The following CLMN variants were observed in gnomAD, a reference collection of about 807,000 sequenced individuals.
CLMN encodes calmin (calponin-like, transmembrane).
In CLMN, 57 loss-of-function variants were observed where a neutral mutation model predicts 92.7. The ratio of observed to expected loss-of-function variants is 0.61; its 90% CI spans 0.50 to 0.77. CLMN has a LOEUF of 0.77. Ranked by LOEUF, CLMN falls within the 30% of genes least tolerant of loss-of-function variation. CLMN has a pLI of 0.00. For synonymous variants in CLMN, 466 were observed against 470.6 expected (o/e 0.99, Z 0.13); for missense variants, 1,158 against 1,237.5 (o/e 0.94, Z 0.96).
intron 1 of CLMN, among the ~76,000 whole-genome samples, chr14:95,234,380 C>A (rs1038484216): frequency 6.6e-6 from 1 of 152,220 alleles, no homozygotes; most frequent in Admixed American, 6.5e-5. Flanking sequence ...ACGCCCACCC[C>A]CCATCCTGCA....
In CLMN at chr14:95,204,479, A is replaced by C; in HGVS notation, c.886-16T>G. The C allele has an allele frequency of 6.5e-7, 1 of 1,546,048 alleles. No individual in the cohort carries two copies. Among genetic ancestry groups the C allele is most frequent in the Non-Finnish European group, 8.7e-7 (1 of 1,152,718 alleles). ...AAATATCTTCCTGCAAAAAAAAACAAAAACAAACAAACAAAAAAAAACAAA... is the reference window on the plus strand; with the variant it reads ...AAATATCTTCCTGCAAAAAAAAACACAAACAAACAAACAAAAAAAAACAAA... On this transcript the variant is annotated splice_polypyrimidine_tract_variant and intron_variant, in intron 8 of 12. Coordinates refer to ENST00000298912, the MANE Select transcript of CLMN (RefSeq NM_024734.4).
intron 9 of CLMN, among the ~76,000 whole-genome samples, chr14:95,201,256 G>A (rs973103056): frequency 1.3e-5 from 2 of 151,704 alleles, no homozygotes; most frequent in African/African-American, 4.8e-5. Context: ...TAGGTATATT[G>A]CATGATGCTG....
chr14:95,215,686 A>T lies in CLMN; in HGVS notation c.372T>A (p.Pro124=). 6.2e-7 allele frequency: 1 copy of T among 1,614,186 alleles called. No individual in the cohort carries two copies. Among genetic ancestry groups the T allele is most frequent in the African/African-American group, 1.3e-5 (1 of 75,048 alleles). The change falls in exon 5 of 13, where the codon CCT becomes CCA. Residue 124 remains proline, a synonymous_variant. Coordinates refer to ENST00000298912, the MANE Select transcript of CLMN (RefSeq NM_024734.4). ...TCCATATCAGCCCAAGAACCAAAGA[A>T]GGGTTGCCATCTGCTATTTCTGCTG... The part of the protein sequence containing the change: ...IDAAEIADGN[P]SLVLGLIWNI...
chr14:95,256,205 C>T lies in CLMN; in HGVS notation c.83-26072G>A, dbSNP rs1898992447. Among the ~76,000 whole-genome samples the T allele has an allele frequency of 6.6e-6, 1 of 152,102 alleles. No homozygotes were observed. Among genetic ancestry groups the T allele is most frequent in the Admixed American group, 6.6e-5 (1 of 15,262 alleles). Reference sequence around the variant, plus strand: ...CACACTGTCCTCGCCACGGGCACACCCAACCGAGGCCCGCCACCCACTCCT... The same window carrying T: ...CACACTGTCCTCGCCACGGGCACACTCAACCGAGGCCCGCCACCCACTCCT... On this transcript the variant is annotated intron_variant, in intron 1 of 12. Transcript: ENST00000298912. The surrounding 1 kb of genome is among the most constrained non-coding windows in gnomAD (Gnocchi z 4.9).
At position 95,210,734 on chromosome 14, in the gene CLMN, T is replaced by C; in HGVS notation, c.754A>G (p.Ser252Gly). ...STRENLEKAFSIAQDALHIPR... is the reference protein window; with the variant it reads ...STRENLEKAFGIAQDALHIPR... ...ATGTGCAGGGCATCCTGTGCGATGC[T>C]GAAAGCCTTCTCTAGATTTTCTCGT... is the stretch of plus-strand genomic sequence containing the variant. Residue 252 changes from serine (S) to glycine (G), a missense_variant, in exon 7 of 13, where the codon AGC becomes GGC. Ser to Gly is a moderately conservative substitution (Grantham distance 56). Coordinates refer to ENST00000298912, the MANE Select transcript of CLMN (RefSeq NM_024734.4). 1 of 1,610,720 alleles carries C rather than the reference T, an allele frequency of 6.2e-7. No individual in the cohort carries two copies. Among genetic ancestry groups the C allele is most frequent in the African/African-American group, 1.3e-5 (1 of 74,616 alleles).
chr14:95,252,168 A>T (rs1351526091), intron 1 of CLMN, among the ~76,000 whole-genome samples: 1 of 152,128 alleles, frequency 6.6e-6, no homozygotes, highest in Non-Finnish European at 1.5e-5. Context: ...GTCGGGCAGC[A>T]ACTAATTAAT....
chr14:95,297,840 C>T (rs1212468926), intron 1 of CLMN, among the ~76,000 whole-genome samples: 2 of 151,776 alleles, frequency 1.3e-5, no homozygotes, highest in Non-Finnish European at 2.9e-5. Context: ...CACACACACA[C>T]ACACACACAC....
chr14:95,197,404 AAAAAG>A (rs1298086411), intron 9 of CLMN, among the ~76,000 whole-genome samples: 1 of 151,518 alleles, frequency 6.6e-6, no homozygotes, highest in African/African-American at 2.4e-5. Context: ...GAAAAAAGAA[AAAAAG>A]AAAGAAAGAA....
At chr14:95,302,716 C>G (rs1267779371) in intron 1 of CLMN, among the ~76,000 whole-genome samples, 3 of 152,100 alleles carry the variant, frequency 2.0e-5, no homozygotes, top group Non-Finnish European at 4.4e-5. Context: ...CCCAAACAAC[C>G]CTGGGAGGGC....
At chr14:95,270,202 C>T (rs1899653149) in intron 1 of CLMN, among the ~76,000 whole-genome samples, 1 of 152,164 alleles carries the variant, frequency 6.6e-6, no homozygotes, top group African/African-American at 2.4e-5. Flanking sequence ...ACCATCTCCC[C>T]ATCCATCACC....
chr14:95,291,317 G>A (rs191093931), intron 1 of CLMN, among the ~76,000 whole-genome samples: 21 of 152,270 alleles, frequency 1.4e-4, no homozygotes, highest in Admixed American at 7.8e-4. Flanking sequence ...CCATGGCGAT[G>A]GCCTGTAAAC....
chr14:95,263,256 A>C (rs1195861605), intron 1 of CLMN, among the ~76,000 whole-genome samples: 6 of 152,198 alleles, frequency 3.9e-5, no homozygotes, highest in Non-Finnish European at 8.8e-5. Context: ...AGTGCCAAAC[A>C]AAGGGGAAAA....
intron 9 of CLMN, among the ~76,000 whole-genome samples, 159 bp downstream of exon 9, chr14:95,202,679 C>T (rs566508856): frequency 6.6e-6 from 1 of 152,330 alleles, no homozygotes; most frequent in East Asian, 1.9e-4. Flanking sequence ...TGCATTTGCC[C>T]GAGCCTCACA....
chr14:95,265,202 C>T (rs902384231), intron 1 of CLMN, among the ~76,000 whole-genome samples: 1 of 151,434 alleles, frequency 6.6e-6, no homozygotes, highest in Admixed American at 6.6e-5. Context: ...GACTGTGCCA[C>T]AGCACTGCAG....
chr14:95,258,986 G>A (rs111301060), intron 1 of CLMN, among the ~76,000 whole-genome samples: 18,707 of 151,350 alleles, frequency 0.12, 1,654 homozygotes, highest in African/African-American at 0.24. Context: ...GTGTGTGTGC[G>A]TGGAGAGTGT....
Position 95,294,095 on chromosome 14 carries a change from T to C in CLMN, c.82+25616A>G, listed in dbSNP as rs578219436. 2.6e-5 allele frequency among the ~76,000 whole-genome samples: 4 copies of C among 152,256 alleles called. No homozygotes were observed. Among genetic ancestry groups the C allele is most frequent in the Non-Finnish European group, 4.4e-5 (3 of 68,012 alleles). On this transcript the variant is annotated intron_variant, in intron 1 of 12. Coordinates refer to ENST00000298912, the MANE Select transcript of CLMN (RefSeq NM_024734.4). This position sits in a 1 kb window ranked among gnomAD's most constrained non-coding sequence, Gnocchi z 4.2. ...CTCCCCAGGCGAACCTCTTCCTACC[T>C]ACCTCACCCTAAACAGCCAGGAGAG...
Position 95,194,704 on chromosome 14 carries a change from A to G in CLMN, c.2709-108T>C. The G allele has an allele frequency of 1.1e-6, 1 of 933,512 alleles. No individual in the cohort carries two copies. Among genetic ancestry groups the G allele is most frequent in the South Asian group, 1.4e-5 (1 of 73,122 alleles). 57.8% of individuals were successfully genotyped at this position (933,512 alleles called of 1,614,324 possible). ...TTCCACGTATGGGTTTAGGCAAGCG[A>G]CAACTTCACAGCCAGGGACAGAAAT... On this transcript the variant is annotated intron_variant, in intron 10 of 12. Coordinates refer to ENST00000298912, the MANE Select transcript of CLMN (RefSeq NM_024734.4). The surrounding 1 kb of genome is among the most constrained non-coding windows in gnomAD (Gnocchi z 4.0).
chr14:95,304,397 A>G (rs1246544745), intron 1 of CLMN, among the ~76,000 whole-genome samples: 1 of 152,090 alleles, frequency 6.6e-6, no homozygotes, highest in South Asian at 2.1e-4. Context: ...GAAGGATGAA[A>G]ACCAAGCCAA....
chr14:95,229,049 C>T (rs1897799951), intron 2 of CLMN, among the ~76,000 whole-genome samples: 1 of 152,180 alleles, frequency 6.6e-6, no homozygotes, highest in South Asian at 2.1e-4. Context: ...TAGCTTCAAA[C>T]AGAATTGAGA....
Sources: gnomAD v4.1 joint callset for allele counts (sites outside exome capture counted in the v4.1 genomes callset) on GRCh38, gnomAD v4.1.1 for gene constraint, Gnocchi (gnomAD v3.1) non-coding constraint, MANE v1.5 for transcripts, NCBI Gene and HGNC (gene_info 2026-07-23, HGNC 2026-07-21) for gene names.